Variants in TTC28 observed in about 807,000 individuals in gnomAD.
TTC28 encodes tetratricopeptide repeat domain 28, also known as tetratricopeptide repeat protein 28.
TTC28 carries 61 observed loss-of-function variants against 198.0 expected under a neutral mutation model. That is an observed-to-expected ratio of 0.31 (90% CI 0.25 to 0.38). The LOEUF (loss-of-function observed/expected upper bound fraction) is 0.38, where lower values mean the gene tolerates loss of function less well. Among genes scored for constraint, TTC28 ranks in the 10% least tolerant of loss-of-function variants. The pLI is 1.00. For synonymous variants in TTC28, 1,171 were observed against 1,297.8 expected (o/e 0.90, Z 2.10); for missense variants, 2,678 against 3,164.0 (o/e 0.85, Z 3.69).
chr22:28,594,355 G>C (rs901816210), intron 2 of TTC28, among the ~76,000 whole-genome samples: 1 of 151,186 alleles, frequency 6.6e-6, no homozygotes, highest in Non-Finnish European at 1.5e-5. Context: ...ATTCTGTCAA[G>C]ATGCCTAACC....
At chr22:28,427,729 G>A (rs1185772671) in intron 2 of TTC28, among the ~76,000 whole-genome samples, 1 of 151,772 alleles carries the variant, frequency 6.6e-6, no homozygotes, top group African/African-American at 2.4e-5. Flanking sequence ...ACAAAGGTAT[G>A]TTAAGAAAGC....
At chr22:28,103,024 C>T (rs1942198545) in intron 8 of TTC28, among the ~76,000 whole-genome samples, 1 of 152,190 alleles carries the variant, frequency 6.6e-6, no homozygotes, top group Non-Finnish European at 1.5e-5. Flanking sequence ...TTCACTGAGA[C>T]AACTCCTGCT....
At position 27,982,148 on chromosome 22, in the gene TTC28, T is replaced by G. The variant is rs1354184472; in HGVS notation, c.*73A>C. ...GCTGGTGGCTGTGGGGGGACTGCACTCAGGGAAGGGCTGAAGCAAACGCCA... is the reference window on the plus strand; with the variant it reads ...GCTGGTGGCTGTGGGGGGACTGCACGCAGGGAAGGGCTGAAGCAAACGCCA... On this transcript the variant is annotated 3_prime_UTR_variant, in exon 23 of 23. Coordinates refer to ENST00000397906, the MANE Select transcript of TTC28 (RefSeq NM_001145418.2). The surrounding 1 kb of genome is among the most constrained non-coding windows in gnomAD (Gnocchi z 5.2). 3 of 1,417,332 alleles carry G rather than the reference T, an allele frequency of 2.1e-6. No individual in the cohort carries two copies. Among genetic ancestry groups the G allele is most frequent in the Non-Finnish European group, 2.8e-6 (3 of 1,072,354 alleles). The allele number at this position is 1,417,332 out of a possible 1,614,324, so 87.8% of individuals were successfully genotyped here. A position where few individuals can be genotyped will look rare whatever the true frequency, so the allele number is the denominator to read the frequency against.
intron 5 of TTC28, among the ~76,000 whole-genome samples, chr22:28,207,799 C>G (rs901941917): frequency 1.3e-5 from 2 of 151,774 alleles, no homozygotes; most frequent in African/African-American, 4.8e-5. Context: ...CAGGAGAGCC[C>G]CATGTTTATA....
intron 1 of TTC28, among the ~76,000 whole-genome samples, chr22:28,654,196 G>T (rs1406827142): frequency 1.3e-5 from 2 of 152,148 alleles, no homozygotes; most frequent in Non-Finnish European, 2.9e-5. Context: ...ACTTGTGAGG[G>T]CTAAAAGGCA....
chr22:28,670,400 T>C (rs934349171), intron 1 of TTC28, among the ~76,000 whole-genome samples: 5 of 152,178 alleles, frequency 3.3e-5, no homozygotes, highest in Non-Finnish European at 5.9e-5. Context: ...CATTTGTCTA[T>C]GCTTAACTAT....
chr22:28,327,350 G>A (rs1370399795), intron 2 of TTC28, among the ~76,000 whole-genome samples: 2 of 152,028 alleles, frequency 1.3e-5, no homozygotes, highest in Non-Finnish European at 2.9e-5. Flanking sequence ...TAGTACTAAC[G>A]TGTTATCTAA....
At chr22:28,400,517 T>C (rs2046889990) in intron 2 of TTC28, among the ~76,000 whole-genome samples, 1 of 152,204 alleles carries the variant, frequency 6.6e-6, no homozygotes, top group Admixed American at 6.5e-5. Flanking sequence ...CACATATAGT[T>C]CTATATAGTA....
At chr22:28,074,879 C>G (rs1259680539) in intron 12 of TTC28, among the ~76,000 whole-genome samples, 1 of 152,132 alleles carries the variant, frequency 6.6e-6, no homozygotes, top group East Asian at 1.9e-4. Context: ...GCAGGCGGAT[C>G]ACCTGAGGTC....
At chr22:28,129,383 G>GT (rs1257016348) in intron 6 of TTC28, among the ~76,000 whole-genome samples, 1 of 152,210 alleles carries the variant, frequency 6.6e-6, no homozygotes, top group Non-Finnish European at 1.5e-5. Context: ...TGCTCCCCAG[G>GT]TAACGCCAAA....
chr22:28,675,187 T>C (rs2051963089), intron 1 of TTC28, among the ~76,000 whole-genome samples: 1 of 152,152 alleles, frequency 6.6e-6, no homozygotes, highest in South Asian at 2.1e-4. Context: ...TTTGTATCTA[T>C]ATACAAAATA....
intron 2 of TTC28, among the ~76,000 whole-genome samples, chr22:28,625,739 T>C (rs2051068386): frequency 6.6e-6 from 1 of 151,922 alleles, no homozygotes; most frequent in Admixed American, 6.6e-5. Flanking sequence ...CAAAACAACT[T>C]AGAAAAAAGA....
chr22:28,616,482 G>A (rs1364569081), intron 2 of TTC28, among the ~76,000 whole-genome samples: 1 of 152,126 alleles, frequency 6.6e-6, no homozygotes, highest in Non-Finnish European at 1.5e-5. Context: ...TTCTTAGTGT[G>A]ACACTGTCAT....
At chr22:28,029,297 C>A (rs1037035458) in intron 13 of TTC28, among the ~76,000 whole-genome samples, 6 of 152,200 alleles carry the variant, frequency 3.9e-5, no homozygotes, top group Non-Finnish European at 8.8e-5. Context: ...ATTTGTCACC[C>A]TGACAGCACA....
Position 27,996,116 on chromosome 22 carries a change from G to A in TTC28, c.5244+19C>T. On this transcript the variant is annotated intron_variant, in intron 17 of 22. Transcript: ENST00000397906. ...GCACTGCCAGCTCTCGTTGAGTGCA[G>A]GGTGCCCGACCCCCTTACCAGGTGC... 1 of 1,543,592 alleles carries A rather than the reference G, an allele frequency of 6.5e-7. No homozygotes were observed. Among genetic ancestry groups the A allele is most frequent in the South Asian group, 1.2e-5 (1 of 83,866 alleles).
intron 2 of TTC28, among the ~76,000 whole-genome samples, chr22:28,582,409 A>G (rs772452920): frequency 2.6e-5 from 4 of 152,208 alleles, no homozygotes; most frequent in Non-Finnish European, 5.9e-5. Flanking sequence ...CAAGGAAGAC[A>G]TGGCTGGTAA....
intron 5 of TTC28, among the ~76,000 whole-genome samples, chr22:28,267,744 T>C (rs1444561407): frequency 2.6e-5 from 4 of 152,196 alleles, no homozygotes; most frequent in African/African-American, 4.8e-5. Context: ...TAATCAGAAG[T>C]AAGCACTCCC....
chr22:28,291,668 T>C (rs1199627826), intron 5 of TTC28, among the ~76,000 whole-genome samples: 1 of 152,200 alleles, frequency 6.6e-6, no homozygotes, highest in Non-Finnish European at 1.5e-5. Flanking sequence ...AGCCTTACTA[T>C]GTTTATTCCA....
At chr22:28,577,973 T>C (rs1011746356) in intron 2 of TTC28, among the ~76,000 whole-genome samples, 1 of 152,178 alleles carries the variant, frequency 6.6e-6, no homozygotes, top group African/African-American at 2.4e-5. Context: ...AATGTTATTA[T>C]TGATAACTAA....
Sources: allele counts gnomAD v4.1 joint callset (sites outside exome capture counted in the v4.1 genomes callset), GRCh38; gene constraint gnomAD v4.1.1; non-coding constraint Gnocchi (gnomAD v3.1); transcripts MANE v1.5; gene names NCBI Gene and HGNC (gene_info 2026-07-23, HGNC 2026-07-21).